SCEL: variants seen among roughly 807,000 people sequenced by gnomAD.
SCEL encodes the protein sciellin.
Under a neutral mutation model 117.6 loss-of-function variants are expected in SCEL, and 113 were observed. The ratio of observed to expected loss-of-function variants is 0.96; its 90% confidence interval spans 0.83 to 1.12. The LOEUF is 1.12. Ranked by LOEUF, SCEL falls within the 50% of genes most tolerant of loss-of-function variation. The pLI is 0.00. For missense variants in SCEL, 785 were observed against 810.8 expected, an observed-to-expected ratio of 0.97 and a Z score of 0.39; for synonymous variants, 270 against 256.2, an observed-to-expected ratio of 1.05 and a Z score of -0.51.
chr13:77,555,293 T>C (rs1261207709), intron 1 of SCEL, among the ~76,000 whole-genome samples: 1 of 152,180 alleles, frequency 6.6e-6, no homozygotes, highest in Non-Finnish European at 1.5e-5. Context: ...GAGTTTTCCA[T>C]GTGGCGGTTG....
chr13:77,641,639 A>G (rs969746747), intron 31 of SCEL, among the ~76,000 whole-genome samples: 3 of 152,150 alleles, frequency 2.0e-5, no homozygotes, highest in Admixed American at 6.6e-5. Context: ...GGGCATTGGT[A>G]TTTTTAAAAA....
intron 27 of SCEL, among the ~76,000 whole-genome samples, chr13:77,619,273 C>T (rs527763311): frequency 6.6e-6 from 1 of 152,292 alleles, no homozygotes; most frequent in East Asian, 1.9e-4. Flanking sequence ...GTTACTTCTT[C>T]AGCACCCAGG....
chr13:77,560,172 T>G (rs1436966161), intron 4 of SCEL, among the ~76,000 whole-genome samples: 1 of 151,440 alleles, frequency 6.6e-6, no homozygotes, highest in Non-Finnish European at 1.5e-5. Context: ...GGCTCATACC[T>G]GTAATCCCAA....
intron 9 of SCEL, 95 bp downstream of exon 9, chr13:77,572,284 T>C: frequency 2.0e-6 from 2 of 1,010,720 alleles, no homozygotes; most frequent in Admixed American, 2.0e-5. Context: ...TTGGGATAAA[T>C]TGGAGGCAAT....
intron 27 of SCEL, among the ~76,000 whole-genome samples, chr13:77,627,074 A>G (rs1168826321): frequency 6.6e-6 from 1 of 152,140 alleles, no homozygotes; most frequent in Non-Finnish European, 1.5e-5. Context: ...AAATTACTCC[A>G]TTTCTTCCCC....
In SCEL at chr13:77,564,957, T is replaced by G. The variant is rs185097408; in HGVS notation, c.290+1058T>G. ...TGTAGTATATGTACAAGATCTCATC[T>G]CCACAGCGGTGCATAGAGAAGAGGT... On this transcript the variant is annotated intron_variant, in intron 5 of 32. Transcript: ENST00000349847. Among the ~76,000 whole-genome samples the G allele has an allele frequency of 2.1e-4, 32 of 152,314 alleles. No individual in the cohort carries two copies. In the East Asian group the frequency reaches 6.0e-3, roughly 28 times the overall value.
At chr13:77,559,399 T>C (rs1680822362) in intron 3 of SCEL, among the ~76,000 whole-genome samples, 1 of 152,246 alleles carries the variant, frequency 6.6e-6, no homozygotes, top group African/African-American at 2.4e-5. Flanking sequence ...CGTAATGGGC[T>C]TACTTAAACT....
intron 27 of SCEL, among the ~76,000 whole-genome samples, chr13:77,623,929 A>G (rs75069716): frequency 6.6e-6 from 1 of 152,124 alleles, no homozygotes; most frequent in Admixed American, 6.5e-5. Context: ...ACTACCACAG[A>G]CTGGGTGGCT....
In SCEL at chr13:77,617,863, G is replaced by GTA; in HGVS notation, c.1571+8_1571+9dup. 6.2e-7 allele frequency: 1 copy of GTA among 1,606,994 alleles called. No homozygotes were observed. Among genetic ancestry groups the GTA allele is most frequent in the East Asian group, 2.2e-5 (1 of 44,822 alleles). On this transcript the variant is annotated splice_donor_variant, in intron 26 of 32. Coordinates refer to ENST00000349847, the MANE Select transcript of SCEL (RefSeq NM_144777.3). LOFTEE classifies it high-confidence loss of function. ...CTGCAGTAATCAGAAACAATCAGAG[G>GTA]TATATATAGAAGCAGTCAATTCATG...
intron 29 of SCEL, among the ~76,000 whole-genome samples, chr13:77,636,358 A>T (rs2090278016): frequency 6.6e-6 from 1 of 152,210 alleles, no homozygotes; most frequent in South Asian, 2.1e-4. Flanking sequence ...TTTAGTTCTG[A>T]CAGCAGTCTG....
chr13:77,617,702 T>G (rs2089157527), intron 25 of SCEL, 44 bp downstream of exon 25: 1 of 1,471,232 alleles, frequency 6.8e-7, no homozygotes, highest in Middle Eastern at 1.8e-4. Context: ...TCAGAAAGAA[T>G]ATTAAGTTTT....
chr13:77,637,225 AG>A (rs764137183), intron 30 of SCEL, 31 bp downstream of exon 30: 338 of 1,151,450 alleles, frequency 2.9e-4, no homozygotes, highest in Non-Finnish European at 7.2e-5. Context: ...ATACATAAAA[AG>A]TACACACATA....
chr13:77,554,431 G>T (rs1170388063), intron 1 of SCEL, among the ~76,000 whole-genome samples: 6 of 152,146 alleles, frequency 3.9e-5, no homozygotes, highest in Admixed American at 3.9e-4. Context: ...CTTCTGCAGT[G>T]CTACTGACAT....
At chr13:77,597,877 A>G (rs934647269) in intron 13 of SCEL, among the ~76,000 whole-genome samples, 2 of 152,070 alleles carry the variant, frequency 1.3e-5, no homozygotes, top group African/African-American at 4.8e-5. Flanking sequence ...ATTAACTAAA[A>G]TGTAAACAGA....
intron 8 of SCEL, among the ~76,000 whole-genome samples, chr13:77,569,969 C>CATAGGAGTAGAGGAGCAGGT (rs2085502599): frequency 6.6e-6 from 1 of 152,130 alleles, no homozygotes; most frequent in African/African-American, 2.4e-5. Flanking sequence ...TTAGCAGGTA[C>CATAGGAGTAGAGGAGCAGGT]AGAGGAGTAG....
At chr13:77,575,136 T>C (rs2082928969) in intron 9 of SCEL, among the ~76,000 whole-genome samples, 1 of 152,238 alleles carries the variant, frequency 6.6e-6, no homozygotes, top group African/African-American at 2.4e-5. Context: ...CATTTGTCCC[T>C]TTCTTAATTT....
chr13:77,599,626 C>A, intron 14 of SCEL, 63 bp from the exon 15 acceptor site: 1 of 1,230,630 alleles, frequency 8.1e-7, no homozygotes. Flanking sequence ...TTTGACCTTT[C>A]AAGATACCAC....
intron 1 of SCEL, 118 bp from the exon 2 acceptor site, chr13:77,555,739 A>G: frequency 1.5e-6 from 1 of 687,090 alleles, no homozygotes; most frequent in Non-Finnish European, 2.6e-6. Flanking sequence ...TGCATTTGTT[A>G]TGACAGATCC....
chr13:77,543,682 G>C (rs1013891981), intron 1 of SCEL, among the ~76,000 whole-genome samples: 3 of 152,160 alleles, frequency 2.0e-5, no homozygotes, highest in Non-Finnish European at 4.4e-5. Context: ...CTTATAAGGG[G>C]AAACACTTGG....
Sources: gnomAD v4.1 joint callset for allele counts (sites outside exome capture counted in the v4.1 genomes callset) on GRCh38, gnomAD v4.1.1 for gene constraint, MANE v1.5 for transcripts, NCBI Gene and HGNC (gene_info 2026-07-23, HGNC 2026-07-21) for gene names.